The following COL22A1 variants were observed in gnomAD, a reference collection of about 807,000 sequenced individuals.
COL22A1 encodes the protein collagen alpha-1(XXII) chain.
Under a neutral mutation model 248.9 loss-of-function variants are expected in COL22A1, and 221 were observed. That is an observed-to-expected ratio of 0.89 (90% confidence interval 0.80 to 0.99). The LOEUF (loss-of-function observed/expected upper bound fraction) is 0.99. Ranked by LOEUF, COL22A1 falls within the 50% of genes least tolerant of loss-of-function variation. COL22A1 has a pLI of 0.00. For synonymous variants in COL22A1, 891 were observed against 793.4 expected, an observed-to-expected ratio of 1.12 and a Z score of -2.07; for missense variants, 2,240 against 2,179.0, an observed-to-expected ratio of 1.03 and a Z score of -0.56.
intron 56 of COL22A1, among the ~76,000 whole-genome samples, chr8:138,612,785 AT>A (rs1180499277): frequency 2.0e-5 from 3 of 151,970 alleles, no homozygotes; most frequent in African/African-American, 7.3e-5. Context: ...AAATAAAAAA[AT>A]AATCAGCGGC....
chr8:138,845,766 G>A (rs1359278059), intron 3 of COL22A1, among the ~76,000 whole-genome samples: 3 of 152,024 alleles, frequency 2.0e-5, no homozygotes, highest in Non-Finnish European at 4.4e-5. Flanking sequence ...TGAGGATTGG[G>A]CAAGATTATG....
At chr8:138,618,063 G>A (rs1030664943) in intron 53 of COL22A1, among the ~76,000 whole-genome samples, 1 of 152,114 alleles carries the variant, frequency 6.6e-6, no homozygotes, top group Non-Finnish European at 1.5e-5. Flanking sequence ...CATGACAAAA[G>A]CACCAACTGA....
intron 27 of COL22A1, among the ~76,000 whole-genome samples, chr8:138,719,793 T>C (rs1638499273): frequency 6.6e-6 from 1 of 152,180 alleles, no homozygotes; most frequent in African/African-American, 2.4e-5. Context: ...CCGTACTGTG[T>C]ATCTAAGCAG....
chr8:138,850,273 T>C (rs939573730), intron 3 of COL22A1, among the ~76,000 whole-genome samples: 41 of 152,200 alleles, frequency 2.7e-4, no homozygotes, highest in Non-Finnish European at 4.7e-4. Context: ...ATCTCCCAGA[T>C]CCTTTAGGCA....
chr8:138,628,054 T>C (rs144379299), intron 50 of COL22A1, among the ~76,000 whole-genome samples: 2 of 152,312 alleles, frequency 1.3e-5, no homozygotes, highest in African/African-American at 4.8e-5. Flanking sequence ...CATATTGTTA[T>C]ACATATGTTG....
chr8:138,877,105 C>T (rs1823773755), intron 3 of COL22A1, among the ~76,000 whole-genome samples: 1 of 152,166 alleles, frequency 6.6e-6, no homozygotes, highest in Non-Finnish European at 1.5e-5. Context: ...CAGCCCTCTG[C>T]CTCCCCTCCC....
intron 22 of COL22A1, among the ~76,000 whole-genome samples, chr8:138,738,190 G>A (rs544490007): frequency 4.6e-5 from 7 of 152,188 alleles, no homozygotes; most frequent in South Asian, 2.1e-4. Flanking sequence ...CCCCCTCCTC[G>A]TGGCTAGGTA....
chr8:138,878,453 G>T, intron 2 of COL22A1, 137 bp from the exon 3 acceptor site: 1 of 721,340 alleles, frequency 1.4e-6, no homozygotes. Context: ...CAAGGGCCCT[G>T]GGCTGCCTGA....
chr8:138,595,086 G>A (rs1817411988), intron 62 of COL22A1, among the ~76,000 whole-genome samples: 1 of 152,110 alleles, frequency 6.6e-6, no homozygotes, highest in Non-Finnish European at 1.5e-5. Flanking sequence ...TGCAGACAGT[G>A]TGACCAAAAC....
intron 7 of COL22A1, among the ~76,000 whole-genome samples, chr8:138,814,206 T>C (rs1818487219): frequency 6.6e-6 from 1 of 152,182 alleles, no homozygotes; most frequent in South Asian, 2.1e-4. Context: ...ACCTGCACAT[T>C]CACGCTTTAG....
At chr8:138,760,839 G>A (rs1040837613) in intron 17 of COL22A1, among the ~76,000 whole-genome samples, 1 of 152,106 alleles carries the variant, frequency 6.6e-6, no homozygotes, top group Non-Finnish European at 1.5e-5. Flanking sequence ...TTCCACCAGC[G>A]GCCAAGAGAA....
At chr8:138,703,708 G>A (rs1209188808) in intron 30 of COL22A1, among the ~76,000 whole-genome samples, 2 of 152,184 alleles carry the variant, frequency 1.3e-5, no homozygotes, top group Non-Finnish European at 2.9e-5. Context: ...AGCTCCCAGT[G>A]TGAGTAATGC....
At chr8:138,781,114 AAGCCTGC>A (rs1454574664) in intron 12 of COL22A1, 134 bp from the exon 13 acceptor site, 2 of 674,364 alleles carry the variant, frequency 3.0e-6, no homozygotes, top group African/African-American at 1.8e-5. Flanking sequence ...ATTGATCCAC[AAGCCTGC>A]AGCATAGGCA....
At chr8:138,695,677 G>A (rs1361776112) in intron 32 of COL22A1, among the ~76,000 whole-genome samples, 3 of 152,166 alleles carry the variant, frequency 2.0e-5, no homozygotes, top group Non-Finnish European at 4.4e-5. Context: ...GGTGGGCCCA[G>A]TATGGAATGA....
chr8:138,814,522 G>A (rs942087631), intron 7 of COL22A1, among the ~76,000 whole-genome samples: 1 of 152,218 alleles, frequency 6.6e-6, no homozygotes, highest in Non-Finnish European at 1.5e-5. Flanking sequence ...ACAGGCACAG[G>A]TGGAAAGGAA....
intron 18 of COL22A1, among the ~76,000 whole-genome samples, chr8:138,758,676 T>C (rs1196669155): frequency 6.6e-6 from 1 of 152,182 alleles, no homozygotes; most frequent in Non-Finnish European, 1.5e-5. Context: ...GCATCTAAGA[T>C]TTGTCTCAAG....
chr8:138,895,415 T>C (rs1172840081), intron 1 of COL22A1, among the ~76,000 whole-genome samples: 2 of 150,258 alleles, frequency 1.3e-5, no homozygotes, highest in East Asian at 3.9e-4. Context: ...ACAAACACTC[T>C]TGAAACAAAT....
At chr8:138,591,616 C>G (rs1817058961) in intron 63 of COL22A1, 115 bp from the exon 64 acceptor site, 1 of 653,868 alleles carries the variant, frequency 1.5e-6, no homozygotes, top group East Asian at 3.3e-5. Context: ...GCATTCCAGT[C>G]TAAACCACCC....
chr8:138,775,744 A>G (rs1381587230), intron 16 of COL22A1, among the ~76,000 whole-genome samples: 2 of 152,218 alleles, frequency 1.3e-5, no homozygotes, highest in Non-Finnish European at 2.9e-5. Flanking sequence ...CAGCCTTCCC[A>G]GCACAACTTA....
Sources: gnomAD v4.1 joint callset for allele counts (sites outside exome capture counted in the v4.1 genomes callset) on GRCh38, gnomAD v4.1.1 for gene constraint, MANE v1.5 for transcripts, NCBI Gene and HGNC (gene_info 2026-07-23, HGNC 2026-07-21) for gene names.